The following CFHR2 variants were observed in gnomAD, a reference collection of about 807,000 sequenced individuals.
The protein encoded by CFHR2 is complement factor H-related protein 2.
A neutral mutation model predicts 21.7 loss-of-function variants in CFHR2; 22 were observed. That is an observed-to-expected ratio of 1.01 (90% CI 0.72 to 1.45). CFHR2 has a LOEUF of 1.45. Ranked by LOEUF, CFHR2 falls within the 40% of genes most tolerant of loss-of-function variation. The pLI is 0.00. For synonymous variants in CFHR2, 98 were observed against 97.4 expected (o/e 1.01, Z -0.04); for missense variants, 294 against 293.3 (o/e 1.00, Z -0.02).
chr1:196,952,929 A>T (rs1053628654), intron 3 of CFHR2, among the ~76,000 whole-genome samples: 1 of 152,224 alleles, frequency 6.6e-6, no homozygotes, highest in Admixed American at 6.5e-5. Context: ...GCATAAGGCA[A>T]CATATTGAGG....
At chr1:196,955,809 T>C (rs892695171) in intron 3 of CFHR2, among the ~76,000 whole-genome samples, 6 of 152,156 alleles carry the variant, frequency 3.9e-5, no homozygotes, top group Non-Finnish European at 7.4e-5. Context: ...ATAGTGCCAC[T>C]GTACTGCAGT....
At chr1:196,951,620 T>C (rs1241456991) in intron 3 of CFHR2, among the ~76,000 whole-genome samples, 1 of 152,078 alleles carries the variant, frequency 6.6e-6, no homozygotes, top group Non-Finnish European at 1.5e-5. Context: ...TCAGTAATTG[T>C]TTTTTGCCCA....
chr1:196,959,168 T>C lies in CFHR2; in HGVS notation c.*88T>C. ...TTCAATTTCATTTTTCAAGTACTGTTTTACTCATTTTTATTCATAAATAAA... is the reference window on the plus strand; with the variant it reads ...TTCAATTTCATTTTTCAAGTACTGTCTTACTCATTTTTATTCATAAATAAA... On this transcript the variant is annotated 3_prime_UTR_variant, in exon 5 of 5. Transcript: ENST00000367415. 1.1e-6 allele frequency: 1 copy of C among 920,174 alleles called. No individual in the cohort carries two copies. The highest frequency in any genetic ancestry group is 1.6e-6 in the Non-Finnish European group (1 of 621,382). 57.0% of individuals were successfully genotyped at this position (920,174 alleles called of 1,614,324 possible). A position where few individuals can be genotyped will look rare whatever the true frequency, so the allele number is the denominator to read the frequency against.
chr1:196,951,075 A>G lies in CFHR2; in HGVS notation c.430+47A>G, dbSNP rs755898073. 4 of 1,599,170 alleles carry G rather than the reference A, an allele frequency of 2.5e-6. No individual in the cohort carries two copies. In the South Asian group the frequency reaches 4.5e-5, roughly 18 times the overall value. On this transcript the variant is annotated intron_variant, in intron 3 of 4. Coordinates refer to ENST00000367415, the MANE Select transcript of CFHR2 (RefSeq NM_005666.4). ...CAGATGCTGTTATATTATAAAGTGT[A>G]AAAGAAATAAATCTTTTTTTACAGA...
At chr1:196,954,034 A>T (rs1412904325) in intron 3 of CFHR2, among the ~76,000 whole-genome samples, 1 of 152,234 alleles carries the variant, frequency 6.6e-6, no homozygotes, top group Non-Finnish European at 1.5e-5. Flanking sequence ...AGTTTTTATA[A>T]ACATACTAGT....
intron 4 of CFHR2, among the ~76,000 whole-genome samples, 167 bp from the exon 5 acceptor site, chr1:196,958,714 A>G (rs1652997381): frequency 6.6e-6 from 1 of 152,060 alleles, no homozygotes; most frequent in African/African-American, 2.4e-5. Context: ...TACATCATTT[A>G]CCATTTTAAA....
At chr1:196,946,655 T>C (rs1159473654) in intron 1 of CFHR2, among the ~76,000 whole-genome samples, 1 of 152,204 alleles carries the variant, frequency 6.6e-6, no homozygotes, top group Non-Finnish European at 1.5e-5. Context: ...CTTCCTCCGC[T>C]CTTGTCCCAC....
chr1:196,944,874 T>C (rs2125000667), intron 1 of CFHR2, among the ~76,000 whole-genome samples: 1 of 148,070 alleles, frequency 6.8e-6, no homozygotes, highest in East Asian at 1.9e-4. Flanking sequence ...TTTCTATTGC[T>C]TGAAATTCAT....
chr1:196,952,084 T>C (rs1358903233), intron 3 of CFHR2, among the ~76,000 whole-genome samples: 1 of 152,194 alleles, frequency 6.6e-6, no homozygotes, highest in African/African-American at 2.4e-5. Flanking sequence ...TGTTATGTTA[T>C]CAAATATTAT....
At chr1:196,956,389 A>C (rs571615253) in intron 3 of CFHR2, among the ~76,000 whole-genome samples, 1 of 152,302 alleles carries the variant, frequency 6.6e-6, no homozygotes, top group South Asian at 2.1e-4. Context: ...TTAGTTCTAC[A>C]TGTCACTATT....
rs1244135872 is a variant in CFHR2 at position 196,950,833 on chromosome 1, A to G, written c.254-19A>G. ...TTTGCTACTTCCATCTTGTCTATTAATCTGTTTTTGGTCTTTAGGACTGTG... is the reference window on the plus strand; with the variant it reads ...TTTGCTACTTCCATCTTGTCTATTAGTCTGTTTTTGGTCTTTAGGACTGTG... On this transcript the variant is annotated intron_variant, in intron 2 of 4. Transcript: ENST00000367415. 8 of 1,612,086 alleles carry G rather than the reference A, an allele frequency of 5.0e-6. No individual in the cohort carries two copies. Among genetic ancestry groups the G allele is most frequent in the Non-Finnish European group, 6.8e-6 (8 of 1,179,484 alleles).
At chr1:196,955,298 G>A (rs1652824236) in intron 3 of CFHR2, among the ~76,000 whole-genome samples, 1 of 152,104 alleles carries the variant, frequency 6.6e-6, no homozygotes, top group Non-Finnish European at 1.5e-5. Flanking sequence ...GCTTCAGCCT[G>A]GACTTCATTG....
intron 3 of CFHR2, among the ~76,000 whole-genome samples, chr1:196,953,007 A>T (rs1171911704): frequency 6.6e-6 from 1 of 152,184 alleles, no homozygotes; most frequent in African/African-American, 2.4e-5. Flanking sequence ...CTCTATGTCC[A>T]AGGTTGAATG....
At chr1:196,945,946 G>T (rs1159489092) in intron 1 of CFHR2, among the ~76,000 whole-genome samples, 1 of 151,624 alleles carries the variant, frequency 6.6e-6, no homozygotes, top group Admixed American at 6.6e-5. Context: ...AGGCCATATG[G>T]TATAGCCTGT....
chr1:196,957,729 A>G (rs892239697), intron 3 of CFHR2, among the ~76,000 whole-genome samples, 162 bp from the exon 4 acceptor site: 1 of 152,182 alleles, frequency 6.6e-6, no homozygotes, highest in African/African-American at 2.4e-5. Context: ...AGAACTGAAA[A>G]TTTAACTTTC....
intron 1 of CFHR2, among the ~76,000 whole-genome samples, chr1:196,946,794 C>A (rs1420276178): frequency 1.3e-5 from 2 of 152,132 alleles, no homozygotes; most frequent in South Asian, 2.1e-4. Flanking sequence ...ATTTTTTTAA[C>A]CAGTAGAAGA....
intron 3 of CFHR2, among the ~76,000 whole-genome samples, chr1:196,953,267 TTTATTTACTTAC>T (rs913717420): frequency 8.6e-5 from 13 of 151,924 alleles, no homozygotes; most frequent in Middle Eastern, 6.8e-3. Context: ...TATTTATTTA[TTTATTTACTTAC>T]TTATTTACTT....
At chr1:196,947,271 C>T (rs747745534) in intron 1 of CFHR2, among the ~76,000 whole-genome samples, 8 of 152,016 alleles carry the variant, frequency 5.3e-5, no homozygotes, top group Non-Finnish European at 1.2e-4. Flanking sequence ...CATTAACACT[C>T]CTAGCTAGCA....
intron 4 of CFHR2, 62 bp from the exon 5 acceptor site, chr1:196,958,819 C>A: frequency 9.2e-7 from 1 of 1,085,878 alleles, no homozygotes; most frequent in Non-Finnish European, 1.4e-6. Context: ...TACTTGAAAA[C>A]CTGAGTCTAT....
Sources: gnomAD v4.1 joint callset for allele counts (sites outside exome capture counted in the v4.1 genomes callset) on GRCh38, gnomAD v4.1.1 for gene constraint, MANE v1.5 for transcripts, NCBI Gene and HGNC (gene_info 2026-07-23, HGNC 2026-07-21) for gene names.